DYSF: variants seen among roughly 807,000 people sequenced by gnomAD.
DYSF encodes the protein dystrophy-associated fer-1-like 1.
A neutral mutation model predicts 274.9 loss-of-function variants in DYSF; 212 were observed. The observed-to-expected ratio is 0.77, with a 90% CI of 0.69 to 0.86. The LOEUF (loss-of-function observed/expected upper bound fraction) is 0.86. DYSF is among the 40% of genes least tolerant of loss of function. DYSF has a pLI of 0.00. For missense variants in DYSF, 2,666 were observed against 2,783.2 expected (o/e 0.96, Z 0.95); for synonymous variants, 1,091 against 1,078.7 (o/e 1.01, Z -0.22).
At chr2:71,519,880 C>T (rs1164058379) in intron 10 of DYSF, among the ~76,000 whole-genome samples, 1 of 135,464 alleles carries the variant, frequency 7.4e-6, no homozygotes, top group African/African-American at 2.8e-5. Flanking sequence ...TCAGGCTGGT[C>T]TCGAACTCCT....
intron 36 of DYSF, among the ~76,000 whole-genome samples, chr2:71,603,113 ATTGT>A (rs1217524085): frequency 2.6e-5 from 4 of 152,180 alleles, no homozygotes; most frequent in Admixed American, 2.6e-4. Context: ...TGAAGAATAA[ATTGT>A]TTGGAAGGGG....
At chr2:71,603,995 G>A (rs1010291690) in intron 36 of DYSF, among the ~76,000 whole-genome samples, 9 of 152,190 alleles carry the variant, frequency 5.9e-5, no homozygotes, top group Admixed American at 1.3e-4. Context: ...GAAGAGCACC[G>A]AGTGCCCCCT....
chr2:71,645,039 A>G (rs1298164669), intron 42 of DYSF, among the ~76,000 whole-genome samples: 3 of 152,128 alleles, frequency 2.0e-5, no homozygotes, highest in Admixed American at 6.5e-5. Flanking sequence ...CTCCAACCCC[A>G]CAGCAGTGTC....
intron 30 of DYSF, among the ~76,000 whole-genome samples, chr2:71,574,997 C>T (rs995567815): frequency 6.6e-6 from 1 of 152,208 alleles, no homozygotes; most frequent in Non-Finnish European, 1.5e-5. Flanking sequence ...AGCCAGTCCC[C>T]ACTCTGCTGC....
rs373530549 is a variant in DYSF at position 71,526,359 on chromosome 2, C to T, written c.1276+13C>T. The T allele has an allele frequency of 2.0e-5, 31 of 1,588,348 alleles. No individual in the cohort carries two copies. The highest frequency in any genetic ancestry group is 2.5e-5 in the Non-Finnish European group (29 of 1,164,676). On this transcript the variant is annotated intron_variant, in intron 13 of 55. Transcript: ENST00000410020. ...GACTTGCCGCAGAGTGCGTGGGGCG[C>T]GCCCTTGGGTGGGAGGTCTGCAGGA...
rs774549657 is a variant in DYSF, at chr2:71,679,210, A to G, written c.6038A>G (p.Glu2013Gly). Reference sequence around the variant, plus strand: ...AAGGGCTGGTGGCCCTGTGTAGCAGAAGAGGGTGAGAAGAAAATACTGGCG... The same window carrying G: ...AAGGGCTGGTGGCCCTGTGTAGCAGGAGAGGGTGAGAAGAAAATACTGGCG... ...TVKGWWPCVAEEGEKKILAGK... is the reference protein window; with the variant it reads ...TVKGWWPCVAGEGEKKILAGK... The change falls in exon 53 of 56, where the codon GAA (glutamate) becomes GGA (glycine). Residue 2013 changes from glutamate (E) to glycine (G), a missense_variant. Coordinates refer to ENST00000410020, the MANE Select transcript of DYSF (RefSeq NM_001130987.2). 1.2e-6 allele frequency: 2 copies of G among 1,614,014 alleles called. No homozygotes were observed. Among genetic ancestry groups the G allele is most frequent in the Non-Finnish European group, 1.7e-6 (2 of 1,179,952 alleles).
At chr2:71,520,152 T>C (rs1209190840) in intron 10 of DYSF, 26 bp from the exon 11 acceptor site, 1 of 1,614,046 alleles carries the variant, frequency 6.2e-7, no homozygotes, top group Admixed American at 1.7e-5. Context: ...AAGAGTTTGA[T>C]TTGTGTCTCC....
rs751942463 is a variant in DYSF at position 71,590,213 on chromosome 2, G to A, written c.3499G>A (p.Gly1167Arg). The change falls in exon 32 of 56, where the codon GGG becomes AGG. Residue 1167 changes from glycine to arginine, a missense_variant and splice_region_variant. Coordinates refer to ENST00000410020, the MANE Select transcript of DYSF (RefSeq NM_001130987.2). ...RPTISCIFDY[G>R]NRYHLRCYMY... ...CTCTGTTTTTTCCCTTGGTGAAGATGGGAACCGCTACCATCTACGCTGCTA... is the reference window on the plus strand; with the variant it reads ...CTCTGTTTTTTCCCTTGGTGAAGATAGGAACCGCTACCATCTACGCTGCTA... 27 of 1,614,014 alleles carry A rather than the reference G, an allele frequency of 1.7e-5. No homozygotes were observed. The highest frequency in any genetic ancestry group is 4.0e-5 in the African/African-American group (3 of 74,914).
chr2:71,639,976 C>T (rs1397325113), intron 41 of DYSF, among the ~76,000 whole-genome samples: 1 of 152,238 alleles, frequency 6.6e-6, no homozygotes, highest in Non-Finnish European at 1.5e-5. Flanking sequence ...AGCACTCTCT[C>T]TATATTGACT....
chr2:71,551,473 C>T (rs1410853964), intron 18 of DYSF, 134 bp from the exon 19 acceptor site: 1 of 748,664 alleles, frequency 1.3e-6, no homozygotes, highest in Non-Finnish European at 2.3e-6. Context: ...TCCTCACCTG[C>T]AGGGGGGATG....
At position 71,481,880 on chromosome 2, in the gene DYSF, G is replaced by C; in HGVS notation, c.149G>C (p.Gly50Ala). Residue 50 changes from glycine (G) to alanine (A), a missense_variant and splice_region_variant, in exon 3 of 56, where the codon GGA becomes GCA. Transcript: ENST00000410020. Reference sequence around the variant, plus strand: ...ATGCCTTTTCTCTTTTTCTTCCAGGGATTTGAATGGGACCTCAAGGGCATC... The same window carrying C: ...ATGCCTTTTCTCTTTTTCTTCCAGGCATTTGAATGGGACCTCAAGGGCATC... ...KNSVNPVWNE[G>A]FEWDLKGIPL... 6.2e-7 allele frequency: 1 copy of C among 1,613,972 alleles called. No homozygotes were observed. The highest frequency in any genetic ancestry group is 1.1e-5 in the South Asian group (1 of 91,064).
intron 47 of DYSF, among the ~76,000 whole-genome samples, chr2:71,665,851 C>T (rs986877689): frequency 1.3e-5 from 2 of 151,420 alleles, no homozygotes; most frequent in Admixed American, 6.6e-5. Context: ...CTGAGAATCC[C>T]GCCACATGCT....
intron 40 of DYSF, among the ~76,000 whole-genome samples, chr2:71,617,531 G>A (rs1325935653): frequency 1.3e-5 from 2 of 152,044 alleles, no homozygotes; most frequent in African/African-American, 2.4e-5. Flanking sequence ...TGTTTTATGT[G>A]GCAAAGGGGT....
At chr2:71,508,114 TC>T (rs1178871735) in intron 4 of DYSF, among the ~76,000 whole-genome samples, 18 of 152,204 alleles carry the variant, frequency 1.2e-4, no homozygotes, top group Non-Finnish European at 4.4e-5. Context: ...CTGTGGCTAT[TC>T]CTAAAAAGAA....
chr2:71,477,076 A>G (rs2082450792), intron 1 of DYSF, among the ~76,000 whole-genome samples: 1 of 152,170 alleles, frequency 6.6e-6, no homozygotes, highest in Non-Finnish European at 1.5e-5. Flanking sequence ...TTACTCCCCC[A>G]AAACTCTGGG....
intron 51 of DYSF, among the ~76,000 whole-genome samples, chr2:71,671,719 G>A (rs2095125350): frequency 6.6e-6 from 1 of 152,228 alleles, no homozygotes; most frequent in Non-Finnish European, 1.5e-5. Context: ...CACAGAGAGG[G>A]TTACCCGGCA....
At chr2:71,490,811 T>A (rs556471259) in intron 3 of DYSF, among the ~76,000 whole-genome samples, 118 of 152,346 alleles carry the variant, frequency 7.7e-4, no homozygotes, top group South Asian at 1.4e-3. Context: ...TTATGTGGTA[T>A]TCCGCGGTAT....
chr2:71,682,775 G>A (rs2095311792), intron 55 of DYSF, 98 bp downstream of exon 55: 1 of 1,504,198 alleles, frequency 6.6e-7, no homozygotes, highest in Non-Finnish European at 9.0e-7. Flanking sequence ...ATGGAGAGAA[G>A]TAACCTCTGT....
chr2:71,570,038 C>A (rs2092330372), intron 27 of DYSF, 104 bp downstream of exon 27: 2 of 1,182,432 alleles, frequency 1.7e-6, no homozygotes, highest in Non-Finnish European at 2.5e-6. Flanking sequence ...CCCCTCTTAC[C>A]TCCGGAGACT....
Sources: gnomAD v4.1 joint callset for allele counts (sites outside exome capture counted in the v4.1 genomes callset) on GRCh38, gnomAD v4.1.1 for gene constraint, MANE v1.5 for transcripts, NCBI Gene and HGNC (gene_info 2026-07-23, HGNC 2026-07-21) for gene names.